VPS13B: variants seen among roughly 807,000 people sequenced by gnomAD.
VPS13B encodes the protein vacuolar protein sorting 13 homolog B.
In VPS13B, 285 loss-of-function variants were observed where a neutral mutation model predicts 426.4. That is an observed-to-expected ratio of 0.67 (90% CI 0.61 to 0.74). The LOEUF (loss-of-function observed/expected upper bound fraction) is 0.74, where lower values mean the gene tolerates loss of function less well. VPS13B is among the 30% of genes least tolerant of loss of function. The probability of loss-of-function intolerance (pLI) is 0.00; values close to 1 mark genes in which losing one functional copy is unlikely to be tolerated. For synonymous variants in VPS13B, 1,676 were observed against 1,676.4 expected, an observed-to-expected ratio of 1.00 and a Z score of 0.01; for missense variants, 4,537 against 4,782.6, an observed-to-expected ratio of 0.95 and a Z score of 1.51.
intron 6 of VPS13B, among the ~76,000 whole-genome samples, chr8:99,115,132 A>G (rs1847588618): frequency 6.6e-6 from 1 of 152,124 alleles, no homozygotes; most frequent in Admixed American, 6.5e-5. Context: ...TTTTCAACAT[A>G]TATTTCACTT....
intron 19 of VPS13B, 146 bp downstream of exon 19, chr8:99,275,400 A>G: frequency 1.4e-6 from 1 of 737,900 alleles, no homozygotes; most frequent in Non-Finnish European, 2.1e-6. Context: ...TCAAAATTCA[A>G]ATGAAGAATT....
rs76075521 is a variant in VPS13B, at chr8:99,090,190, G to A, written c.292-6122G>A. ...TGCCTACTCTCCACTTTTCTTAAGA[G>A]AAGCTCTACTTTTCTTATCCTTGAA... On this transcript the variant is annotated intron_variant, in intron 3 of 61. Coordinates refer to ENST00000357162, the MANE Select transcript of VPS13B (RefSeq NM_152564.5). Among the ~76,000 whole-genome samples the A allele has an allele frequency of 6.1e-3, 925 of 151,990 alleles. 9 individuals are homozygous for A. Among genetic ancestry groups the A allele is most frequent in the African/African-American group, 0.021 (866 of 41,472 alleles).
Position 99,013,826 on chromosome 8 carries a change from A to T in VPS13B, c.38A>T (p.Tyr13Phe). 1 of 1,614,218 alleles carries T rather than the reference A, an allele frequency of 6.2e-7. No homozygotes were observed. Among genetic ancestry groups the T allele is most frequent in the South Asian group, 1.1e-5 (1 of 91,092 alleles). ...ESYVTPILMS[Y>F]VNRYIKNLKP... ...TATGTAACTCCAATTTTAATGAGCT[A>T]TGTGAATCGCTACATCAAGAACTTA... The change falls in exon 2 of 62, where the codon TAT becomes TTT. Residue 13 changes from tyrosine to phenylalanine, a missense_variant. Tyr to Phe is a conservative substitution (Grantham distance 22). Transcript: ENST00000357162.
chr8:99,871,417 C>A (rs758266135), intron 60 of VPS13B, 31 bp from the exon 61 acceptor site: 1 of 1,613,908 alleles, frequency 6.2e-7, no homozygotes, highest in South Asian at 1.1e-5. Flanking sequence ...TCACAGCTGG[C>A]CCCTGGCCTC....
chr8:99,313,584 G>C (rs1016666076), intron 19 of VPS13B, among the ~76,000 whole-genome samples: 1 of 152,168 alleles, frequency 6.6e-6, no homozygotes, highest in African/African-American at 2.4e-5. Flanking sequence ...CCTTACTGGA[G>C]GGTGCCTCCC....
chr8:99,643,819 A>G (rs1829467637), intron 34 of VPS13B, among the ~76,000 whole-genome samples: 1 of 152,202 alleles, frequency 6.6e-6, no homozygotes, highest in African/African-American at 2.4e-5. Context: ...TCTCAAATAT[A>G]TTCTCATTTA....
At chr8:99,763,117 C>T (rs1588692078) in intron 39 of VPS13B, among the ~76,000 whole-genome samples, 1 of 101,990 alleles carries the variant, frequency 9.8e-6, no homozygotes, top group East Asian at 3.2e-4. Flanking sequence ...GCTTGGGCAA[C>T]AGAGTGAGAC....
At chr8:99,583,412 A>G (rs879439759) in intron 33 of VPS13B, among the ~76,000 whole-genome samples, 3 of 152,190 alleles carry the variant, frequency 2.0e-5, no homozygotes, top group Non-Finnish European at 4.4e-5. Context: ...GCTAATATCT[A>G]CTTGGATATT....
chr8:99,775,538 G>C (rs1056278756), intron 40 of VPS13B, among the ~76,000 whole-genome samples: 1 of 152,214 alleles, frequency 6.6e-6, no homozygotes, highest in African/African-American at 2.4e-5. Flanking sequence ...CCCGTGCACA[G>C]CAGCAGCCAC....
At chr8:99,196,360 T>C (rs1194125597) in intron 17 of VPS13B, among the ~76,000 whole-genome samples, 1 of 152,138 alleles carries the variant, frequency 6.6e-6, no homozygotes, top group Non-Finnish European at 1.5e-5. Flanking sequence ...GTTTTGGACA[T>C]GTTAATGCAT....
At chr8:99,359,489 C>T (rs1812375508) in intron 19 of VPS13B, among the ~76,000 whole-genome samples, 1 of 152,024 alleles carries the variant, frequency 6.6e-6, no homozygotes, top group Non-Finnish European at 1.5e-5. Flanking sequence ...AATGCAGATA[C>T]CACAATGAAA....
chr8:99,840,057 C>T (rs1444480810), intron 54 of VPS13B, among the ~76,000 whole-genome samples: 3 of 152,370 alleles, frequency 2.0e-5, no homozygotes, highest in East Asian at 3.9e-4. Context: ...GCAATTTCCA[C>T]ACCCATCACC....
intron 17 of VPS13B, among the ~76,000 whole-genome samples, chr8:99,228,362 A>G (rs954252338): frequency 4.6e-5 from 7 of 152,184 alleles, no homozygotes; most frequent in Non-Finnish European, 8.8e-5. Flanking sequence ...AATGAGTTGT[A>G]AAAACCAGTG....
At chr8:99,124,113 A>G (rs1848074748) in intron 8 of VPS13B, among the ~76,000 whole-genome samples, 1 of 152,222 alleles carries the variant, frequency 6.6e-6, no homozygotes, top group African/African-American at 2.4e-5. Flanking sequence ...GAAGCTGAGA[A>G]TAAGTGATCA....
intron 19 of VPS13B, among the ~76,000 whole-genome samples, chr8:99,281,952 T>A (rs1268690715): frequency 6.6e-6 from 1 of 152,180 alleles, no homozygotes. Context: ...TTTTTTCTTT[T>A]GAGATCTGGA....
chr8:99,025,143 A>T (rs1303360112), intron 2 of VPS13B, among the ~76,000 whole-genome samples: 1 of 152,102 alleles, frequency 6.6e-6, no homozygotes, highest in African/African-American at 2.4e-5. Context: ...TGTATCCTGC[A>T]ACTTTACTGA....
intron 43 of VPS13B, among the ~76,000 whole-genome samples, chr8:99,790,001 C>T (rs1007192813): frequency 2.0e-5 from 3 of 151,834 alleles, no homozygotes; most frequent in Non-Finnish European, 2.9e-5. Context: ...CATTAAGCAC[C>T]CCCACACACA....
chr8:99,407,974 G>A (rs917757485), intron 21 of VPS13B, among the ~76,000 whole-genome samples: 1 of 152,178 alleles, frequency 6.6e-6, no homozygotes, highest in Admixed American at 6.6e-5. Flanking sequence ...CTTCTGCTAT[G>A]TTCTTCAACC....
At chr8:99,698,443 G>A (rs77757429) in intron 35 of VPS13B, among the ~76,000 whole-genome samples, 3,100 of 152,292 alleles carry the variant, frequency 0.02, 112 homozygotes, top group African/African-American at 0.07. Flanking sequence ...CAGCCTCCTC[G>A]GGGCTGAAGA....
Sources: gnomAD v4.1 joint callset for allele counts (sites outside exome capture counted in the v4.1 genomes callset) on GRCh38, gnomAD v4.1.1 for gene constraint, MANE v1.5 for transcripts, NCBI Gene and HGNC (gene_info 2026-07-23, HGNC 2026-07-21) for gene names.